Variants in FARP1 observed in about 807,000 individuals in gnomAD.
FARP1 encodes FERM, ARHGEF and pleckstrin domain-containing protein 1.
A neutral mutation model predicts 128.8 loss-of-function variants in FARP1; 52 were observed. The ratio of observed to expected loss-of-function variants is 0.40; its 90% CI spans 0.32 to 0.51. The LOEUF (loss-of-function observed/expected upper bound fraction) is 0.51. FARP1 is among the 20% of genes least tolerant of loss of function. FARP1 has a pLI of 0.45. For missense variants in FARP1, 1,333 were observed against 1,367.9 expected (o/e 0.97, Z 0.40); for synonymous variants, 580 against 551.8 (o/e 1.05, Z -0.72).
chr13:98,176,265 A>G lies in FARP1; in HGVS notation c.-24+32773A>G. The G allele has an allele frequency of 1.2e-6, 2 of 1,611,316 alleles. No homozygotes were observed. Among genetic ancestry groups the G allele is most frequent in the South Asian group, 1.1e-5 (1 of 90,850 alleles). ...GACACTCATGGGGGTCTTCTGTGAA[A>G]TGGGACTTGCCCCCACCTTCTGCAG... On this transcript the variant is annotated intron_variant, in intron 1 of 26. Coordinates refer to ENST00000319562, the MANE Select transcript of FARP1 (RefSeq NM_005766.4). The surrounding 1 kb of genome is among the most constrained non-coding windows in gnomAD (Gnocchi z 6.2).
At position 98,176,677 on chromosome 13, in the gene FARP1, A is replaced by T. The variant is rs762788212; in HGVS notation, c.-24+33185A>T. The T allele has an allele frequency of 6.2e-7, 1 of 1,614,222 alleles. No homozygotes were observed. The highest frequency in any genetic ancestry group is 1.1e-5 in the South Asian group (1 of 91,086). Reference sequence around the variant, plus strand: ...GATGTCAGGCTGGTAATCCCAGCGCACAGTGGCGCGCAGATGCCCTGGCGC... The same window carrying T: ...GATGTCAGGCTGGTAATCCCAGCGCTCAGTGGCGCGCAGATGCCCTGGCGC... On this transcript the variant is annotated intron_variant, in intron 1 of 26. Transcript: ENST00000319562. This position sits in a 1 kb window ranked among gnomAD's most constrained non-coding sequence, Gnocchi z 6.2.
intron 2 of FARP1, among the ~76,000 whole-genome samples, chr13:98,300,127 T>C (rs1050424209): frequency 6.6e-6 from 1 of 152,218 alleles, no homozygotes; most frequent in African/African-American, 2.4e-5. Context: ...GGCCACACCC[T>C]TTCCCCTGAG....
chr13:98,318,204 C>G (rs543716264), intron 2 of FARP1, among the ~76,000 whole-genome samples: 1 of 150,696 alleles, frequency 6.6e-6, no homozygotes, highest in South Asian at 2.1e-4. Context: ...TACAGGCATG[C>G]ACCACCACAC....
intron 2 of FARP1, among the ~76,000 whole-genome samples, chr13:98,337,770 A>G (rs1048930043): frequency 6.6e-6 from 1 of 152,056 alleles, no homozygotes; most frequent in African/African-American, 2.4e-5. Context: ...TCTTGAATCT[A>G]TCTCATCGTT....
chr13:98,438,860 C>T lies in FARP1; in HGVS notation c.2331C>T (p.Arg777=). The T allele has an allele frequency of 6.2e-7, 1 of 1,613,716 alleles. No individual in the cohort carries two copies. The highest frequency in any genetic ancestry group is 8.5e-7 in the Non-Finnish European group (1 of 1,179,928). ...TCTCGGGGAAGGGGCTCCAGCAGCG[C>T]ATGTTCTTCCTGGTGAGTGGAGAGA... The part of the protein sequence containing the change: ...SKLSGKGLQQ[R]MFFLFNDVLL... Residue 777 remains arginine, a synonymous_variant, in exon 20 of 27, where the codon CGC becomes CGT. Transcript: ENST00000319562.
intron 1 of FARP1, among the ~76,000 whole-genome samples, chr13:98,207,965 C>G (rs1325316544): frequency 2.1e-5 from 3 of 145,962 alleles, no homozygotes; most frequent in Non-Finnish European, 4.5e-5. Context: ...CACACACACA[C>G]ACACTTTGAT....
intron 16 of FARP1, among the ~76,000 whole-genome samples, chr13:98,420,504 T>G (rs9554467): frequency 0.069 from 10,444 of 152,236 alleles, 738 homozygotes; most frequent in East Asian, 0.31. Context: ...CAGGAAGACT[T>G]GAAAATTCAT....
chr13:98,144,018 A>G (rs1476516852), intron 1 of FARP1, among the ~76,000 whole-genome samples: 2 of 152,132 alleles, frequency 1.3e-5, no homozygotes, highest in Non-Finnish European at 2.9e-5. Context: ...CCTCTGCCCA[A>G]GTTAGATTTG....
chr13:98,442,777 C>T (rs9517299), intron 24 of FARP1, among the ~76,000 whole-genome samples: 53,830 of 152,200 alleles, frequency 0.35, 10,123 homozygotes, highest in Non-Finnish European at 0.44. Context: ...CACCTGTGGG[C>T]GTGTGTCTGA....
intron 2 of FARP1, among the ~76,000 whole-genome samples, chr13:98,281,373 A>G (rs530459589): frequency 1.9e-4 from 7 of 37,708 alleles, no homozygotes; most frequent in Admixed American, 3.4e-4. Flanking sequence ...TCTTGGAGGG[A>G]AAAAAAAAAA....
At chr13:98,267,196 A>G (rs1462454189) in intron 2 of FARP1, among the ~76,000 whole-genome samples, 1 of 152,178 alleles carries the variant, frequency 6.6e-6, no homozygotes, top group East Asian at 1.9e-4. Flanking sequence ...TCACACTCTG[A>G]CTTAACCCTT....
At chr13:98,312,154 T>TTTTTTTTC (rs1566863747) in intron 2 of FARP1, among the ~76,000 whole-genome samples, 4 of 146,486 alleles carry the variant, frequency 2.7e-5, no homozygotes, top group Non-Finnish European at 4.5e-5. Flanking sequence ...TTTTTTTTTT[T>TTTTTTTTC]CTTTGAGACG....
chr13:98,414,087 G>A (rs1891290203), intron 16 of FARP1, among the ~76,000 whole-genome samples: 1 of 152,194 alleles, frequency 6.6e-6, no homozygotes, highest in Non-Finnish European at 1.5e-5. Flanking sequence ...CATTTTAGGA[G>A]TAAATGCCGT....
At chr13:98,285,042 C>T (rs1321241594) in intron 2 of FARP1, among the ~76,000 whole-genome samples, 1 of 152,178 alleles carries the variant, frequency 6.6e-6, no homozygotes, top group East Asian at 1.9e-4. Flanking sequence ...AACCTGCTTC[C>T]ATGTTGCTAC....
At chr13:98,439,552 T>C (rs1260529716) in intron 21 of FARP1, among the ~76,000 whole-genome samples, 1 of 152,102 alleles carries the variant, frequency 6.6e-6, no homozygotes. Context: ...GCCCCGACAG[T>C]CCTCGCCACA....
rs143505428 is a variant in FARP1 at position 98,422,014 on chromosome 13, G to A, written c.1827-2558G>A. ...AAGAAATGCATTACCTGGGTCAGCC[G>A]TGGTTTGGCATCATGAACCGAAACC... On this transcript the variant is annotated intron_variant, in intron 16 of 26. Transcript: ENST00000319562. Among the ~76,000 whole-genome samples the A allele has an allele frequency of 8.5e-3, 1,297 of 152,274 alleles. 7 individuals carry two copies. The highest frequency in any genetic ancestry group is 0.031 in the Middle Eastern group (9 of 294).
intron 1 of FARP1, among the ~76,000 whole-genome samples, chr13:98,172,995 G>C (rs950963285): frequency 2.0e-5 from 3 of 152,212 alleles, no homozygotes; most frequent in African/African-American, 7.2e-5. Context: ...AAAATGTGCA[G>C]TAGATAAGTG....
intron 5 of FARP1, among the ~76,000 whole-genome samples, chr13:98,368,829 G>GTCACCA (rs899032209): frequency 6.6e-6 from 1 of 151,916 alleles, no homozygotes; most frequent in African/African-American, 2.4e-5. Context: ...CACCACCATT[G>GTCACCA]TCACCATCAC....
chr13:98,445,829 C>T (rs892660230), intron 24 of FARP1: 2 of 382,914 alleles, frequency 5.2e-6, no homozygotes, highest in Admixed American at 8.9e-5. Flanking sequence ...AGCCTGTGTT[C>T]TAAGGTACTG....
Sources: allele counts gnomAD v4.1 joint callset (sites outside exome capture counted in the v4.1 genomes callset), GRCh38; gene constraint gnomAD v4.1.1; non-coding constraint Gnocchi (gnomAD v3.1); transcripts MANE v1.5; gene names NCBI Gene and HGNC (gene_info 2026-07-23, HGNC 2026-07-21).